Variants in ABCC1 observed in about 807,000 individuals in gnomAD.
The protein encoded by ABCC1 is multidrug resistance-associated protein 1.
Under a neutral mutation model 172.9 loss-of-function variants are expected in ABCC1, and 83 were observed. The observed-to-expected ratio is 0.48, with a 90% confidence interval of 0.40 to 0.58. The LOEUF is 0.58. Ranked by LOEUF, ABCC1 falls within the 20% of genes least tolerant of loss-of-function variation. The pLI is 0.00. For missense variants in ABCC1, 1,817 were observed against 2,002.7 expected (o/e 0.91, Z 1.77); for synonymous variants, 937 against 825.2 (o/e 1.14, Z -2.32).
chr16:16,053,384 G>A (rs555214182), intron 11 of ABCC1, among the ~76,000 whole-genome samples: 2 of 152,190 alleles, frequency 1.3e-5, no homozygotes, highest in African/African-American at 2.4e-5. Context: ...CTCTCAAAGT[G>A]TTGGGATTAC....
intron 18 of ABCC1, among the ~76,000 whole-genome samples, chr16:16,089,591 T>C (rs746706785): frequency 9.3e-5 from 14 of 151,002 alleles, no homozygotes; most frequent in Non-Finnish European, 1.6e-4. Context: ...GCCATTGGGC[T>C]GGGCGCAGCG....
At chr16:16,102,388 G>A (rs921550870) in intron 19 of ABCC1, among the ~76,000 whole-genome samples, 3 of 152,190 alleles carry the variant, frequency 2.0e-5, no homozygotes, top group African/African-American at 4.8e-5. Context: ...AGTGGATGGA[G>A]CCTTCTGCAC....
intron 12 of ABCC1, among the ~76,000 whole-genome samples, chr16:16,061,657 G>A (rs1454121406): frequency 6.6e-6 from 1 of 151,884 alleles, no homozygotes; most frequent in Admixed American, 6.6e-5. Context: ...TGTAATGGTG[G>A]ATACATGTCA....
intron 1 of ABCC1, among the ~76,000 whole-genome samples, chr16:15,953,804 G>A (rs1369319697): frequency 1.3e-5 from 2 of 152,064 alleles, no homozygotes; most frequent in Non-Finnish European, 2.9e-5. Context: ...AGCCGCCAAG[G>A]AAGAATATCT....
intron 14 of ABCC1, among the ~76,000 whole-genome samples, chr16:16,075,370 A>G (rs1329294575): frequency 6.6e-6 from 1 of 151,556 alleles, no homozygotes; most frequent in Non-Finnish European, 1.5e-5. Context: ...CATGCCTGTA[A>G]TCCCGGCACT....
At chr16:16,061,772 CTTTTTTTTT>C (rs201926082) in intron 12 of ABCC1, among the ~76,000 whole-genome samples, 2 of 116,226 alleles carry the variant, frequency 1.7e-5, no homozygotes, top group African/African-American at 3.7e-5. Context: ...TTCTTTTTTT[CTTTTTTTTT>C]TTTTTTTTTT....
chr16:16,048,345 C>T (rs1335138904), intron 10 of ABCC1, 42 bp downstream of exon 10: 2 of 1,607,754 alleles, frequency 1.2e-6, no homozygotes, highest in Admixed American at 3.3e-5. Context: ...CAGGGAGGGA[C>T]TTCTACGTGT....
At chr16:16,104,220 C>T (rs529992802) in intron 20 of ABCC1, among the ~76,000 whole-genome samples, 2 of 152,198 alleles carry the variant, frequency 1.3e-5, no homozygotes, top group Non-Finnish European at 2.9e-5. Context: ...GGAAGGGTAC[C>T]CCAGTAGGTG....
intron 19 of ABCC1, among the ~76,000 whole-genome samples, chr16:16,092,908 G>A (rs1403564044): frequency 1.3e-5 from 2 of 152,208 alleles, no homozygotes; most frequent in Admixed American, 6.5e-5. Flanking sequence ...GGAATCGCTT[G>A]AGCCTGGGAG....
intron 11 of ABCC1, among the ~76,000 whole-genome samples, chr16:16,053,307 TG>T (rs2049508096): frequency 6.6e-6 from 1 of 152,100 alleles, no homozygotes; most frequent in African/African-American, 2.4e-5. Flanking sequence ...ATTTCTAAAA[TG>T]GGGCCTTGCT....
At chr16:16,007,680 A>G in intron 1 of ABCC1, 136 bp from the exon 2 acceptor site, 1 of 735,824 alleles carries the variant, frequency 1.4e-6, no homozygotes, top group Non-Finnish European at 2.1e-6. Context: ...TTGCGTGTTC[A>G]TCCTGAAAGG....
intron 12 of ABCC1, among the ~76,000 whole-genome samples, chr16:16,063,589 G>A (rs2049999110): frequency 6.6e-6 from 1 of 152,164 alleles, no homozygotes; most frequent in African/African-American, 2.4e-5. Context: ...ACTAGAGTAA[G>A]AGAAGAGGGG....
Position 15,988,496 on chromosome 16 carries a change from C to G in ABCC1, c.49-19320C>G, listed in dbSNP as rs865873938. ...GCACATGCCTGACCCCTCACAAGAC[C>G]CTGGAACATGACTAAGGGATTTATT... On this transcript the variant is annotated intron_variant, in intron 1 of 30. Transcript: ENST00000399410. 5.3e-5 allele frequency among the ~76,000 whole-genome samples: 8 copies of G among 152,238 alleles called. No individual in the cohort carries two copies. The South Asian group carries it at 1.7e-3, about 32-fold the overall frequency.
At chr16:16,102,832 A>C (rs924578740) in intron 20 of ABCC1, 115 bp downstream of exon 20, 1 of 945,710 alleles carries the variant, frequency 1.1e-6, no homozygotes, top group Non-Finnish European at 1.6e-6. Flanking sequence ...CTGGGCTTTT[A>C]CCTTCCCTCC....
intron 5 of ABCC1, among the ~76,000 whole-genome samples, chr16:16,016,978 G>A (rs1386897300): frequency 4.0e-5 from 3 of 75,928 alleles, no homozygotes; most frequent in African/African-American, 1.4e-4. Flanking sequence ...TGACAGATTA[G>A]GCCTATAATC....
At position 15,989,665 on chromosome 16, in the gene ABCC1, A is replaced by T. The variant is rs535602124; in HGVS notation, c.49-18151A>T. Among the ~76,000 whole-genome samples, 121 of 151,898 alleles carry T rather than the reference A, an allele frequency of 8.0e-4. 2 individuals carry two copies. In the South Asian group the frequency reaches 0.025, roughly 31 times the overall value. ...TGTTCCTTGGTTGGTTGTGCAGAAG[A>T]GTTGCTAGGGTTTGAATCCAGGACG... On this transcript the variant is annotated intron_variant, in intron 1 of 30. Coordinates refer to ENST00000399410, the MANE Select transcript of ABCC1 (RefSeq NM_004996.4).
intron 1 of ABCC1, among the ~76,000 whole-genome samples, chr16:15,972,417 G>C (rs2046390285): frequency 6.6e-6 from 1 of 152,148 alleles, no homozygotes; most frequent in Non-Finnish European, 1.5e-5. Context: ...GCTGGCATTG[G>C]ATTAGTGATG....
At chr16:16,127,284 T>C (rs1486914904) in intron 26 of ABCC1, among the ~76,000 whole-genome samples, 2 of 152,172 alleles carry the variant, frequency 1.3e-5, no homozygotes, top group Non-Finnish European at 2.9e-5. Context: ...TAGTGCGATC[T>C]CATTCGCTGC....
chr16:15,976,259 C>A (rs949668441), intron 1 of ABCC1, among the ~76,000 whole-genome samples: 8 of 152,138 alleles, frequency 5.3e-5, no homozygotes, highest in Admixed American at 5.2e-4. Context: ...AAGAGCAAAA[C>A]TCTGTCTCAA....
Sources: allele counts gnomAD v4.1 joint callset (sites outside exome capture counted in the v4.1 genomes callset), GRCh38; gene constraint gnomAD v4.1.1; transcripts MANE v1.5; gene names NCBI Gene and HGNC (gene_info 2026-07-23, HGNC 2026-07-21).